SPATA17: variants seen among roughly 807,000 people sequenced by gnomAD.
SPATA17 encodes spermatogenesis associated 17.
In SPATA17, 53 loss-of-function variants were observed where a neutral mutation model predicts 62.2. The observed-to-expected ratio is 0.85, with a 90% CI of 0.68 to 1.07. SPATA17 has a LOEUF of 1.07. SPATA17 is among the 50% of genes least tolerant of loss of function. The probability of loss-of-function intolerance (pLI) is 0.00; values close to 1 mark genes in which losing one functional copy is unlikely to be tolerated. For missense variants in SPATA17, 466 were observed against 425.5 expected (o/e 1.10, Z -0.84); for synonymous variants, 146 against 146.8 (o/e 0.99, Z 0.04).
At position 217,774,500 on chromosome 1, in the gene SPATA17, CT is replaced by C; in HGVS notation, c.687del (p.Glu230LysfsTer22). 3 of 1,613,978 alleles carry C rather than the reference CT, an allele frequency of 1.9e-6. No homozygotes were observed. Among genetic ancestry groups the C allele is most frequent in the Non-Finnish European group, 2.5e-6 (3 of 1,179,920 alleles). ...ACTSARSFPR[S>X]EILPPINRKQ... is the part of the protein sequence containing the mutation. ...ACAAGCGCCCGTTCTTTTCCTCGGT[CT>C]GAAATTCTACCACCTATTAATAGAA... On this transcript the variant is annotated frameshift_variant, in exon 7 of 11. Coordinates refer to ENST00000366933, the MANE Select transcript of SPATA17 (RefSeq NM_138796.4). LOFTEE classifies it high-confidence loss of function.
chr1:217,739,259 G>A (rs949338088), intron 5 of SPATA17, among the ~76,000 whole-genome samples: 3 of 152,094 alleles, frequency 2.0e-5, no homozygotes, highest in African/African-American at 7.2e-5. Flanking sequence ...AAATATGCAT[G>A]GCTAATTTAA....
chr1:217,726,911 A>T (rs1177616420), intron 5 of SPATA17, among the ~76,000 whole-genome samples: 1 of 152,046 alleles, frequency 6.6e-6, no homozygotes, highest in Non-Finnish European at 1.5e-5. Flanking sequence ...CAAGTTGTGA[A>T]ACTTAAGTTG....
chr1:217,768,302 G>A lies in SPATA17; in HGVS notation c.520-6032G>A, dbSNP rs200858366. On this transcript the variant is annotated intron_variant, in intron 6 of 10. Coordinates refer to ENST00000366933, the MANE Select transcript of SPATA17 (RefSeq NM_138796.4). ...AGATTCTCATTTTATACAGAATTAAGTCCAAATTTTCAGCCTTCTAGAATC... is the reference window on the plus strand; with the variant it reads ...AGATTCTCATTTTATACAGAATTAAATCCAAATTTTCAGCCTTCTAGAATC... Among the ~76,000 whole-genome samples, 1,001 of 152,170 alleles carry A rather than the reference G, an allele frequency of 6.6e-3. 10 individuals carry two copies. The highest frequency in any genetic ancestry group is 0.011 in the Non-Finnish European group (762 of 67,992).
intron 6 of SPATA17, among the ~76,000 whole-genome samples, chr1:217,747,681 A>G (rs920490820): frequency 2.0e-5 from 3 of 152,144 alleles, no homozygotes; most frequent in Admixed American, 6.6e-5. Context: ...GTGGCATTTA[A>G]GGGTTTACAC....
intron 8 of SPATA17, among the ~76,000 whole-genome samples, chr1:217,790,492 G>A (rs972763240): frequency 2.6e-5 from 4 of 152,094 alleles, no homozygotes; most frequent in African/African-American, 9.7e-5. Context: ...CCAGGCTGGA[G>A]TGCAGTGGCA....
chr1:217,793,901 G>C (rs968813374), intron 8 of SPATA17, among the ~76,000 whole-genome samples: 2 of 152,010 alleles, frequency 1.3e-5, no homozygotes, highest in Non-Finnish European at 2.9e-5. Flanking sequence ...AGATCACGAG[G>C]TCAGGAGATC....
chr1:217,827,446 A>C (rs916851652), intron 9 of SPATA17, among the ~76,000 whole-genome samples: 1 of 152,158 alleles, frequency 6.6e-6, no homozygotes, highest in African/African-American at 2.4e-5. Flanking sequence ...AATTAGTTCA[A>C]CCATTGTGGA....
At chr1:217,833,527 A>T (rs1324502432) in intron 9 of SPATA17, among the ~76,000 whole-genome samples, 3 of 152,188 alleles carry the variant, frequency 2.0e-5, no homozygotes, top group African/African-American at 7.2e-5. Context: ...CACTAGTATA[A>T]GTCAAGTCAC....
chr1:217,690,542 G>T (rs1336740570), intron 5 of SPATA17, among the ~76,000 whole-genome samples: 2 of 137,378 alleles, frequency 1.5e-5, no homozygotes, highest in African/African-American at 5.4e-5. Flanking sequence ...ACATTGTGCA[G>T]GTTAGTTACA....
chr1:217,861,064 G>A (rs1020666889), intron 9 of SPATA17, among the ~76,000 whole-genome samples: 13 of 152,094 alleles, frequency 8.5e-5, no homozygotes, highest in Non-Finnish European at 1.0e-4. Context: ...TACTGCTTCA[G>A]GGGTAGTGCA....
chr1:217,740,964 G>A, intron 5 of SPATA17, among the ~76,000 whole-genome samples: 1 of 152,142 alleles, frequency 6.6e-6, no homozygotes, highest in East Asian at 1.9e-4. Flanking sequence ...ATGAAGTATT[G>A]TATTAGTGGC....
At chr1:217,779,144 TTGTG>T (rs55714817) in intron 7 of SPATA17, among the ~76,000 whole-genome samples, 5,268 of 148,514 alleles carry the variant, frequency 0.035, 119 homozygotes, top group Middle Eastern at 0.058. Context: ...GTAAAACAAC[TTGTG>T]TGTGTGTGTG....
At chr1:217,860,067 T>G (rs1432484405) in intron 9 of SPATA17, among the ~76,000 whole-genome samples, 1 of 152,208 alleles carries the variant, frequency 6.6e-6, no homozygotes, top group Non-Finnish European at 1.5e-5. Flanking sequence ...GGCACTGCTT[T>G]TGCTGCATCT....
At chr1:217,795,925 G>A (rs541654085) in intron 8 of SPATA17, among the ~76,000 whole-genome samples, 4 of 152,062 alleles carry the variant, frequency 2.6e-5, no homozygotes, top group Admixed American at 2.6e-4. Context: ...AGCCTCTCTA[G>A]TAGCTGAGAC....
intron 9 of SPATA17, among the ~76,000 whole-genome samples, chr1:217,819,365 C>A (rs141189952): frequency 6.6e-6 from 1 of 151,880 alleles, no homozygotes; most frequent in African/African-American, 2.4e-5. Flanking sequence ...CCTGCAGGAT[C>A]CTTTTTTTTC....
At chr1:217,776,607 G>A (rs1408270916) in intron 7 of SPATA17, among the ~76,000 whole-genome samples, 1 of 151,234 alleles carries the variant, frequency 6.6e-6, no homozygotes, top group African/African-American at 2.4e-5. Flanking sequence ...GGGAGGGTGA[G>A]GTGGGAGGAT....
intron 1 of SPATA17, among the ~76,000 whole-genome samples, chr1:217,637,186 CATT>C (rs1263364487): frequency 4.6e-5 from 7 of 152,144 alleles, no homozygotes; most frequent in Non-Finnish European, 7.4e-5. Context: ...CTTTCACAAA[CATT>C]ATTTTATTTG....
chr1:217,709,439 A>G (rs1671808735), intron 5 of SPATA17, among the ~76,000 whole-genome samples: 1 of 152,104 alleles, frequency 6.6e-6, no homozygotes, highest in African/African-American at 2.4e-5. Flanking sequence ...CTGTTGGCTG[A>G]TGGTGTCCCT....
chr1:217,680,354 T>C (rs1386601098), intron 4 of SPATA17, among the ~76,000 whole-genome samples: 3 of 152,194 alleles, frequency 2.0e-5, no homozygotes, highest in Non-Finnish European at 4.4e-5. Flanking sequence ...GCTAGGAAAA[T>C]ATGCACTTAT....
Sources: gnomAD v4.1 joint callset for allele counts (sites outside exome capture counted in the v4.1 genomes callset) on GRCh38, gnomAD v4.1.1 for gene constraint, MANE v1.5 for transcripts, NCBI Gene and HGNC (gene_info 2026-07-23, HGNC 2026-07-21) for gene names.